Variants in RXRA observed in about 807,000 individuals in gnomAD.
RXRA encodes the protein retinoid X receptor alpha.
RXRA carries 5 observed loss-of-function variants against 44.5 expected under a neutral mutation model. The observed-to-expected ratio is 0.11, with a 90% CI of 0.06 to 0.24. The LOEUF is 0.24. RXRA is among the 10% of genes least tolerant of loss of function. The pLI, the probability that RXRA is intolerant of heterozygous loss-of-function variation, is 1.00. For synonymous variants in RXRA, 291 were observed against 271.4 expected (o/e 1.07, Z -0.71); for missense variants, 412 against 646.5 (o/e 0.64, Z 3.93).
Position 134,366,091 on chromosome 9 carries a change from G to A in RXRA, c.29-35541G>A, listed in dbSNP as rs1322932229. On this transcript the variant is annotated intron_variant, in intron 1 of 9. Transcript: ENST00000481739. This position sits in a 1 kb window ranked among gnomAD's most constrained non-coding sequence, Gnocchi z 5.9. ...CATCTTCAGCATCTCTCGTGCCTCA[G>A]TAACAACCTGGGAGCGGTGCTGTCC... 6.6e-6 allele frequency among the ~76,000 whole-genome samples: 1 copy of A among 152,162 alleles called. No homozygotes were observed. Among genetic ancestry groups the A allele is most frequent in the Non-Finnish European group, 1.5e-5 (1 of 68,018 alleles).
intron 4 of RXRA, among the ~76,000 whole-genome samples, chr9:134,412,602 C>T (rs796393976): frequency 1.4e-4 from 22 of 152,316 alleles, no homozygotes; most frequent in African/African-American, 4.3e-4. Flanking sequence ...GGACTCGTTC[C>T]GCAGCATTCC....
chr9:134,333,207 GA>G (rs1271348287), intron 1 of RXRA, among the ~76,000 whole-genome samples: 2 of 152,202 alleles, frequency 1.3e-5, no homozygotes, highest in African/African-American at 4.8e-5. Context: ...CTCTGTGTGA[GA>G]AGTTGCCACG....
At chr9:134,421,870 C>A in intron 6 of RXRA, 65 bp downstream of exon 6, 1 of 1,587,262 alleles carries the variant, frequency 6.3e-7, no homozygotes, top group Non-Finnish European at 8.5e-7. Flanking sequence ...CAGGACACTC[C>A]CCCCTCCCGG....
At chr9:134,332,359 G>T (rs60262024) in intron 1 of RXRA, among the ~76,000 whole-genome samples, 1 of 152,166 alleles carries the variant, frequency 6.6e-6, no homozygotes, top group Non-Finnish European at 1.5e-5. Flanking sequence ...CCCAGCACAC[G>T]CGGCCCACCC....
chr9:134,359,728 C>T (rs1253230868), intron 1 of RXRA, among the ~76,000 whole-genome samples: 2 of 152,196 alleles, frequency 1.3e-5, no homozygotes, highest in African/African-American at 4.8e-5. Context: ...CACGTGTGGC[C>T]CTGGCGGGGT....
intron 1 of RXRA, chr9:134,379,749 CTG>C (rs1830613707): frequency 2.0e-6 from 2 of 985,392 alleles, no homozygotes; most frequent in Non-Finnish European, 2.4e-6. Context: ...CTCAGCCCCT[CTG>C]TGCCTGTGGT....
At chr9:134,346,768 G>C (rs1588255289) in intron 1 of RXRA, among the ~76,000 whole-genome samples, 1 of 152,244 alleles carries the variant, frequency 6.6e-6, no homozygotes. Context: ...TGAAGCCCAG[G>C]GTGGGACAAG....
chr9:134,369,269 G>C (rs1342597721), intron 1 of RXRA, among the ~76,000 whole-genome samples: 1 of 48,562 alleles, frequency 2.1e-5, no homozygotes, highest in Admixed American at 2.6e-4. Context: ...TGTGTGTGTG[G>C]GGGGTTATGT....
chr9:134,327,842 C>T (rs1488876787), intron 1 of RXRA, among the ~76,000 whole-genome samples: 2 of 152,238 alleles, frequency 1.3e-5, no homozygotes, highest in African/African-American at 4.8e-5. Context: ...CCGGGGCAGG[C>T]GGTGGGTTCC....
chr9:134,345,087 A>C (rs1470734372), intron 1 of RXRA, among the ~76,000 whole-genome samples: 1 of 151,872 alleles, frequency 6.6e-6, no homozygotes, highest in African/African-American at 2.4e-5. Flanking sequence ...TCTACCCCAG[A>C]CTCCAGCTCT....
intron 1 of RXRA, among the ~76,000 whole-genome samples, chr9:134,389,806 A>C (rs1414571154): frequency 6.6e-6 from 1 of 152,194 alleles, no homozygotes; most frequent in Admixed American, 6.5e-5. Flanking sequence ...TGGCCTCTCC[A>C]TCCCTCCCCT....
intron 1 of RXRA, among the ~76,000 whole-genome samples, chr9:134,382,694 A>T (rs1830663942): frequency 6.6e-6 from 1 of 151,926 alleles, no homozygotes; most frequent in Admixed American, 6.5e-5. Flanking sequence ...CTGAGTGGGC[A>T]GTATGAGGGT....
intron 1 of RXRA, among the ~76,000 whole-genome samples, chr9:134,331,117 G>C (rs181251235): frequency 6.6e-6 from 1 of 152,188 alleles, no homozygotes; most frequent in South Asian, 2.1e-4. Flanking sequence ...ACAGGAGAGC[G>C]CTCGCTGCTG....
At chr9:134,379,315 G>A (rs1170937891) in intron 1 of RXRA, 6 of 987,100 alleles carry the variant, frequency 6.1e-6, no homozygotes, top group Non-Finnish European at 7.2e-6. Context: ...TGTGCATGGG[G>A]TGGGGATGAA....
At chr9:134,412,151 G>A (rs1352994419) in intron 4 of RXRA, among the ~76,000 whole-genome samples, 3 of 152,236 alleles carry the variant, frequency 2.0e-5, no homozygotes, top group African/African-American at 7.2e-5. Context: ...CATGGGTGAG[G>A]CATTGCAGCA....
chr9:134,333,603 C>T lies in RXRA; in HGVS notation c.28+6944C>T, dbSNP rs3818736. The stretch of plus-strand genomic sequence containing the variant: ...AACCCTCGGAGTTCAAAGACAACCC[C>T]GGGTGCGGCCGCCGGCTGTAATGAG... On this transcript the variant is annotated intron_variant, in intron 1 of 9. Transcript: ENST00000481739. Among the ~76,000 whole-genome samples, 248 of 152,282 alleles carry T rather than the reference C, an allele frequency of 1.6e-3. 1 individual carries two copies. The highest frequency in any genetic ancestry group is 5.6e-3 in the African/African-American group (232 of 41,544).
chr9:134,399,121 G>A (rs1211088079), intron 1 of RXRA, among the ~76,000 whole-genome samples: 1 of 152,278 alleles, frequency 6.6e-6, no homozygotes, highest in Non-Finnish European at 1.5e-5. Context: ...TGAGGAAACT[G>A]AGGCTTGGTA....
chr9:134,334,553 G>A (rs1293289325), intron 1 of RXRA, among the ~76,000 whole-genome samples: 3 of 152,252 alleles, frequency 2.0e-5, no homozygotes, highest in Non-Finnish European at 2.9e-5. Context: ...GTGCTGAGCC[G>A]TCCCTCGAAC....
rs376128806 is a variant in RXRA at position 134,436,656 on chromosome 9, C to T, written c.*42C>T. 830 of 1,609,136 alleles carry T rather than the reference C, an allele frequency of 5.2e-4. No homozygotes were observed. Among genetic ancestry groups the T allele is most frequent in the Admixed American group, 7.2e-4 (43 of 59,810 alleles). On this transcript the variant is annotated 3_prime_UTR_variant, in exon 10 of 10. Coordinates refer to ENST00000481739, the MANE Select transcript of RXRA (RefSeq NM_002957.6). ...TTTGTGCCCACCCGTTCTGGCCACC[C>T]TGCCTGGACGCCAGCTGTTCTTCTC...
Sources: gnomAD v4.1 joint callset for allele counts (sites outside exome capture counted in the v4.1 genomes callset) on GRCh38, gnomAD v4.1.1 for gene constraint, Gnocchi (gnomAD v3.1) non-coding constraint, MANE v1.5 for transcripts, NCBI Gene and HGNC (gene_info 2026-07-23, HGNC 2026-07-21) for gene names.